The following SVIL variants were observed in gnomAD, a reference collection of about 807,000 sequenced individuals.
SVIL encodes the protein supervillin.
SVIL carries 101 observed loss-of-function variants against 240.4 expected under a neutral mutation model. The ratio of observed to expected loss-of-function variants is 0.42; its 90% CI spans 0.36 to 0.50. The LOEUF is 0.50. Among genes scored for constraint, SVIL ranks in the 20% least tolerant of loss-of-function variants. The pLI, the probability that SVIL is intolerant of heterozygous loss-of-function variation, is 0.01. For missense variants in SVIL, 2,512 were observed against 2,818.7 expected, an observed-to-expected ratio of 0.89 and a Z score of 2.46; for synonymous variants, 999 against 1,100.0, an observed-to-expected ratio of 0.91 and a Z score of 1.82.
rs1947409274 is a variant in SVIL, at chr10:29,486,429, A to G, written c.4614T>C (p.Gly1538=). The G allele has an allele frequency of 6.2e-7, 1 of 1,614,230 alleles. No homozygotes were observed. The highest frequency in any genetic ancestry group is 2.2e-5 in the East Asian group (1 of 44,888). The part of the protein sequence containing the change: ...HAAKDFWKLL[G]GQTSYQSAGD... ...TCTTACATTGGTAACTGGTTTGGCC[A>G]CCCAGAAGCTTCCAGAAGTCTTTGG... Residue 1538 remains glycine, a synonymous_variant, in exon 25 of 38, where the codon GGT becomes GGC. Coordinates refer to ENST00000355867, the MANE Select transcript of SVIL (RefSeq NM_021738.3).
chr10:29,472,146 A>G (rs558965492), intron 30 of SVIL, among the ~76,000 whole-genome samples: 2 of 152,326 alleles, frequency 1.3e-5, no homozygotes, highest in African/African-American at 4.8e-5. Flanking sequence ...ATGATTTTCC[A>G]TCCACTGGAT....
chr10:29,695,423 T>C (rs1293974396), intron 1 of SVIL, among the ~76,000 whole-genome samples: 3 of 152,142 alleles, frequency 2.0e-5, no homozygotes, highest in South Asian at 4.2e-4. Context: ...AAACCATTTG[T>C]ATCCCTAAAG....
At chr10:29,679,272 T>A (rs1391303261) in intron 2 of SVIL, among the ~76,000 whole-genome samples, 1 of 152,174 alleles carries the variant, frequency 6.6e-6, no homozygotes, top group Admixed American at 6.5e-5. Context: ...CTAAGGGGAC[T>A]AACTTGCTCC....
intron 1 of SVIL, among the ~76,000 whole-genome samples, chr10:29,585,841 C>T (rs1267961244): frequency 1.3e-5 from 2 of 152,298 alleles, no homozygotes; most frequent in East Asian, 1.9e-4. Flanking sequence ...GGCAGGTGTC[C>T]GACGCCTCAG....
At chr10:29,694,638 T>A (rs1170680561) in intron 1 of SVIL, among the ~76,000 whole-genome samples, 1 of 152,108 alleles carries the variant, frequency 6.6e-6, no homozygotes, top group Non-Finnish European at 1.5e-5. Context: ...TTTTGTATTT[T>A]CAGTAGAGAA....
rs563001828 is a variant in SVIL, at chr10:29,672,734, C to T, written c.-301+13819G>A. Among the ~76,000 whole-genome samples, 3 of 150,512 alleles carry T rather than the reference C, an allele frequency of 2.0e-5. No homozygotes were observed. In the East Asian group the frequency reaches 5.9e-4, roughly 29 times the overall value. On this transcript the variant is annotated intron_variant, in intron 2 of 35. Coordinates refer to the SVIL transcript ENST00000375400. ...TTCCTGCAGAGTGGGAAGTTCCTTC[C>T]TCTTGGCACCCTAAATTATTTTAGC...
chr10:29,701,520 A>C (rs1398666579), intron 1 of SVIL, among the ~76,000 whole-genome samples: 5 of 152,194 alleles, frequency 3.3e-5, no homozygotes, highest in Admixed American at 1.3e-4. Flanking sequence ...TCATTCATTG[A>C]AATAGGGAAA....
chr10:29,588,551 T>C (rs1956261767), intron 1 of SVIL, among the ~76,000 whole-genome samples: 1 of 152,160 alleles, frequency 6.6e-6, no homozygotes, highest in South Asian at 2.1e-4. Flanking sequence ...GGGATGTAAA[T>C]AGCGATTGAT....
rs758223370 is a variant in SVIL at position 29,486,248 on chromosome 10, C to T, written c.4634-18G>A. The T allele has an allele frequency of 6.2e-7, 1 of 1,613,412 alleles. No individual in the cohort carries two copies. The highest frequency in any genetic ancestry group is 8.5e-7 in the Non-Finnish European group (1 of 1,179,570). On this transcript the variant is annotated intron_variant, in intron 25 of 37. Transcript: ENST00000355867. Reference sequence around the variant, plus strand: ...TCCAGCAGCTTGGGGATAAGAAGAACAGGAGAGCATCACATTTTACATTGC... The same window carrying T: ...TCCAGCAGCTTGGGGATAAGAAGAATAGGAGAGCATCACATTTTACATTGC...
intron 6 of SVIL, among the ~76,000 whole-genome samples, chr10:29,537,678 G>T (rs1951838532): frequency 6.6e-6 from 1 of 152,148 alleles, no homozygotes; most frequent in Non-Finnish European, 1.5e-5. Flanking sequence ...ATTTCTAAAA[G>T]AAAATAAAAG....
chr10:29,555,150 G>A, intron 3 of SVIL, 42 bp from the exon 4 acceptor site: 1 of 1,524,920 alleles, frequency 6.6e-7, no homozygotes. Flanking sequence ...GTATTTAGTA[G>A]TCGTGCGCTC....
At chr10:29,689,726 C>T (rs1961360931) in intron 1 of SVIL, among the ~76,000 whole-genome samples, 1 of 152,188 alleles carries the variant, frequency 6.6e-6, no homozygotes. Flanking sequence ...TAAAATATTT[C>T]CAAATAGCCA....
intron 1 of SVIL, among the ~76,000 whole-genome samples, chr10:29,576,738 G>A (rs1955713343): frequency 1.3e-5 from 2 of 152,152 alleles, no homozygotes; most frequent in South Asian, 4.1e-4. Context: ...TAGAGATTGG[G>A]TCTTACTATG....
At chr10:29,570,987 G>C (rs563366544) in intron 1 of SVIL, among the ~76,000 whole-genome samples, 1 of 152,288 alleles carries the variant, frequency 6.6e-6, no homozygotes, top group South Asian at 2.1e-4. Flanking sequence ...CAGAGAATTT[G>C]AAAGCTCCCA....
chr10:29,499,767 T>C (rs115064620), intron 17 of SVIL, among the ~76,000 whole-genome samples: 5,693 of 152,072 alleles, frequency 0.037, 325 homozygotes, highest in African/African-American at 0.13. Context: ...CAGGAGAAGG[T>C]TTTCTGGCAC....
intron 1 of SVIL, among the ~76,000 whole-genome samples, chr10:29,627,692 G>C (rs1957927164): frequency 6.6e-6 from 1 of 151,984 alleles, no homozygotes; most frequent in Non-Finnish European, 1.5e-5. Context: ...TGCCTCTGGA[G>C]TGAAGACCTG....
chr10:29,642,025 A>G (rs1337030736), intron 3 of SVIL, among the ~76,000 whole-genome samples: 1 of 152,174 alleles, frequency 6.6e-6, no homozygotes, highest in East Asian at 1.9e-4. Context: ...ATGAGACACC[A>G]GCCACCCTGG....
intron 1 of SVIL, among the ~76,000 whole-genome samples, chr10:29,609,197 T>A (rs1461567593): frequency 6.6e-6 from 1 of 152,226 alleles, no homozygotes; most frequent in Admixed American, 6.5e-5. Flanking sequence ...ACTCAGGACC[T>A]GCTGAATGGC....
intron 1 of SVIL, among the ~76,000 whole-genome samples, chr10:29,720,758 C>T (rs1963921301): frequency 6.6e-6 from 1 of 152,104 alleles, no homozygotes; most frequent in Non-Finnish European, 1.5e-5. Context: ...ATGGAAGTAT[C>T]CTATTGTAAT....
Sources: gnomAD v4.1 joint callset for allele counts (sites outside exome capture counted in the v4.1 genomes callset) on GRCh38, gnomAD v4.1.1 for gene constraint, MANE v1.5 for transcripts, NCBI Gene and HGNC (gene_info 2026-07-23, HGNC 2026-07-21) for gene names.